Variants in KIF2C observed in about 807,000 individuals in gnomAD.
KIF2C encodes the protein kinesin family member 2C, also known as kinesin-like protein KIF2C.
Under a neutral mutation model 97.4 loss-of-function variants are expected in KIF2C, and 34 were observed. The observed-to-expected ratio is 0.35, with a 90% CI of 0.27 to 0.46. The LOEUF (loss-of-function observed/expected upper bound fraction) is 0.46. Among genes scored for constraint, KIF2C ranks in the 20% least tolerant of loss-of-function variants. The pLI, the probability that KIF2C is intolerant of heterozygous loss-of-function variation, is 1.00. For synonymous variants in KIF2C, 313 were observed against 318.2 expected (o/e 0.98, Z 0.17); for missense variants, 750 against 907.6 (o/e 0.83, Z 2.23).
chr1:44,749,681 A>C (rs1649403005), intron 4 of KIF2C, among the ~76,000 whole-genome samples: 1 of 151,926 alleles, frequency 6.6e-6, no homozygotes, highest in Admixed American at 6.6e-5. Context: ...GCCTGAACTT[A>C]TAATACTCAG....
intron 19 of KIF2C, among the ~76,000 whole-genome samples, chr1:44,764,415 G>A (rs957964922): frequency 3.2e-4 from 48 of 152,116 alleles, no homozygotes; most frequent in Admixed American, 3.0e-3. Flanking sequence ...GATCTTAAGT[G>A]ATCCGCCTGC....
intron 13 of KIF2C, 86 bp downstream of exon 13, chr1:44,758,226 A>C (rs1573570048): frequency 3.0e-5 from 34 of 1,120,038 alleles, no homozygotes; most frequent in East Asian, 1.0e-4. Context: ...GAGGCCAAAA[A>C]CCTATTAGCT....
chr1:44,746,983 C>T (rs1489932765), intron 2 of KIF2C, among the ~76,000 whole-genome samples: 3 of 151,624 alleles, frequency 2.0e-5, no homozygotes, highest in South Asian at 2.1e-4. Flanking sequence ...ATGCAACCTC[C>T]GCCTCCTGGA....
chr1:44,767,069 C>T, intron 20 of KIF2C, 28 bp from the exon 21 acceptor site: 1 of 1,612,524 alleles, frequency 6.2e-7, no homozygotes, highest in Non-Finnish European at 8.5e-7. Context: ...CTCACTAACC[C>T]CATATGTACC....
chr1:44,754,651 G>A (rs1434076559), intron 7 of KIF2C, 99 bp from the exon 8 acceptor site: 1 of 793,348 alleles, frequency 1.3e-6, no homozygotes. Flanking sequence ...TGACAACTAT[G>A]AAGGGTGGTG....
rs1471920045 is a variant in KIF2C, at chr1:44,766,866, A to G, written c.2012A>G (p.Gln671Arg). ...DWLELSEMTE[Q>R]PDYDLETFVN... ...CTTGAGCTCTCTGAGATGACCGAGCAGCCAGACTATGACCTGGAGACCTTT... is the reference window on the plus strand; with the variant it reads ...CTTGAGCTCTCTGAGATGACCGAGCGGCCAGACTATGACCTGGAGACCTTT... Residue 671 changes from glutamine to arginine, a missense_variant, in exon 20 of 21, where the codon CAG becomes CGG. By Grantham distance (43) the Gln-to-Arg change is conservative. Transcript: ENST00000372224. 6 of 1,614,248 alleles carry G rather than the reference A, an allele frequency of 3.7e-6. No homozygotes were observed. Among genetic ancestry groups the G allele is most frequent in the Non-Finnish European group, 3.4e-6 (4 of 1,180,042 alleles).
At chr1:44,751,273 G>A (rs1649496972) in intron 5 of KIF2C, among the ~76,000 whole-genome samples, 1 of 151,016 alleles carries the variant, frequency 6.6e-6, no homozygotes, top group East Asian at 2.0e-4. Context: ...TTGGCTTACT[G>A]CAACTTCCGC....
chr1:44,764,808 C>T (rs1307391936), intron 19 of KIF2C, among the ~76,000 whole-genome samples: 2 of 152,162 alleles, frequency 1.3e-5, no homozygotes, highest in Non-Finnish European at 2.9e-5. Flanking sequence ...CACGCCCAGT[C>T]GTATATCTAT....
chr1:44,762,592 C>G lies in KIF2C; in HGVS notation c.1905C>G (p.Asn635Lys). 6.2e-7 allele frequency: 1 copy of G among 1,614,098 alleles called. No homozygotes were observed. Among genetic ancestry groups the G allele is most frequent in the Non-Finnish European group, 8.5e-7 (1 of 1,179,998 alleles). ...EELSSQMSSF[N>K]EAMTQIRELE... ...TGTCTTCCCAGATGTCCAGCTTTAACGAAGCCATGACTCAGATCAGGGAGC... is the reference window on the plus strand; with the variant it reads ...TGTCTTCCCAGATGTCCAGCTTTAAGGAAGCCATGACTCAGATCAGGGAGC... Residue 635 changes from asparagine (N) to lysine (K), a missense_variant, in exon 19 of 21, where the codon AAC becomes AAG. Coordinates refer to ENST00000372224, the MANE Select transcript of KIF2C (RefSeq NM_006845.4).
At chr1:44,753,002 G>T in intron 5 of KIF2C, 130 bp from the exon 6 acceptor site, 1 of 1,145,620 alleles carries the variant, frequency 8.7e-7, no homozygotes, top group East Asian at 2.4e-5. Context: ...AAAAGCACAA[G>T]CTCTGCACAT....
intron 4 of KIF2C, among the ~76,000 whole-genome samples, chr1:44,748,848 A>G (rs1314674657): frequency 6.6e-6 from 1 of 151,074 alleles, no homozygotes; most frequent in Non-Finnish European, 1.5e-5. Context: ...TGCCCAGCCA[A>G]TAGCTTTTTT....
Position 44,753,721 on chromosome 1 carries a change from A to G in KIF2C, c.563-12A>G. On this transcript the variant is annotated splice_polypyrimidine_tract_variant and intron_variant, in intron 6 of 20. Transcript: ENST00000372224. Reference sequence around the variant, plus strand: ...CTTCCTTTTTTTTTCTTTTTTTTTTATGTTTTCATAGTTCGGAGGAAATCA... The same window carrying G: ...CTTCCTTTTTTTTTCTTTTTTTTTTGTGTTTTCATAGTTCGGAGGAAATCA... 2 of 1,514,622 alleles carry G rather than the reference A, an allele frequency of 1.3e-6. No homozygotes were observed. Among genetic ancestry groups the G allele is most frequent in the Non-Finnish European group, 1.8e-6 (2 of 1,118,568 alleles). The allele number at this position is 1,514,622 out of a possible 1,614,324, so 93.8% of individuals were successfully genotyped here.
chr1:44,765,897 C>T (rs925261415), intron 19 of KIF2C, among the ~76,000 whole-genome samples: 2 of 152,028 alleles, frequency 1.3e-5, no homozygotes, highest in African/African-American at 4.8e-5. Flanking sequence ...ACTAAAAATA[C>T]AAAAATTAGC....
intron 2 of KIF2C, among the ~76,000 whole-genome samples, chr1:44,745,371 T>A (rs1176816280): frequency 4.0e-5 from 6 of 150,672 alleles, no homozygotes; most frequent in African/African-American, 7.3e-5. Flanking sequence ...TTTTTTTTTT[T>A]ATTTAAATCT....
intron 2 of KIF2C, 78 bp from the exon 3 acceptor site, chr1:44,747,306 T>A (rs1325068534): frequency 1.8e-5 from 19 of 1,067,540 alleles, no homozygotes; most frequent in Non-Finnish European, 2.6e-5. Flanking sequence ...ATACTCTGTC[T>A]CAAAAAAAAA....
At chr1:44,758,419 C>T (rs982022078) in intron 13 of KIF2C, among the ~76,000 whole-genome samples, 2 of 152,164 alleles carry the variant, frequency 1.3e-5, no homozygotes, top group Middle Eastern at 3.2e-3. Context: ...TCCTTCATCC[C>T]TTCTTCCCCG....
At chr1:44,746,723 T>C (rs778314387) in intron 2 of KIF2C, 5 of 1,610,250 alleles carry the variant, frequency 3.1e-6, no homozygotes, top group Middle Eastern at 3.3e-4. Context: ...ACGTCTACCA[T>C]TGGCTTGGAA....
At chr1:44,742,351 C>T (rs1326879848) in intron 2 of KIF2C, among the ~76,000 whole-genome samples, 2 of 151,854 alleles carry the variant, frequency 1.3e-5, no homozygotes, top group African/African-American at 2.4e-5. Context: ...CCTCGTGATC[C>T]GCCTGCCTCT....
At chr1:44,753,385 G>T (rs1410095877) in intron 6 of KIF2C, 131 bp downstream of exon 6, 7 of 1,015,390 alleles carry the variant, frequency 6.9e-6, no homozygotes, top group Non-Finnish European at 7.0e-6. Context: ...GTTTTCCTCT[G>T]GCCATGGAAT....
Sources: gnomAD v4.1 joint callset for allele counts (sites outside exome capture counted in the v4.1 genomes callset) on GRCh38, gnomAD v4.1.1 for gene constraint, MANE v1.5 for transcripts, NCBI Gene and HGNC (gene_info 2026-07-23, HGNC 2026-07-21) for gene names.